SEM1: variants seen among roughly 807,000 people sequenced by gnomAD.
The protein encoded by SEM1 is 26S proteasome complex subunit SEM1.
A neutral mutation model predicts 12.7 loss-of-function variants in SEM1; 3 were observed. The observed-to-expected ratio is 0.24, with a 90% CI of 0.11 to 0.61. The LOEUF (loss-of-function observed/expected upper bound fraction) is 0.61. SEM1 is among the 20% of genes least tolerant of loss of function. SEM1 has a pLI of 0.88. For synonymous variants in SEM1, 30 were observed against 27.8 expected (o/e 1.08, Z -0.25); for missense variants, 59 against 81.3 (o/e 0.73, Z 1.06).
intron 2 of SEM1, among the ~76,000 whole-genome samples, chr7:96,552,832 T>C (rs1805331435): frequency 6.6e-6 from 1 of 151,296 alleles, no homozygotes; most frequent in African/African-American, 2.4e-5. Context: ...GTGTTCCTAT[T>C]TCTCCACATC....
chr7:96,510,223 G>T (rs1803894515), intron 2 of SEM1, among the ~76,000 whole-genome samples: 1 of 152,044 alleles, frequency 6.6e-6, no homozygotes, highest in Non-Finnish European at 1.5e-5. Context: ...CACCACCTTT[G>T]AAGTACAGTC....
downstream of SEM1, chr7:96,687,993 T>C (rs1427232398): frequency 6.6e-6 from 1 of 152,144 alleles, no homozygotes; most frequent in Non-Finnish European, 1.5e-5. Flanking sequence ...CCAACCCCTA[T>C]TTTGGTATCT....
downstream of SEM1, among the ~76,000 whole-genome samples, chr7:96,671,518 A>G (rs962681979): frequency 6.6e-6 from 1 of 152,204 alleles, no homozygotes. Flanking sequence ...TTCAGGGTAG[A>G]TAATTTTACT....
At chr7:96,691,345 C>T (rs1789927966) in intron 2 of SEM1, among the ~76,000 whole-genome samples, 1 of 152,194 alleles carries the variant, frequency 6.6e-6, no homozygotes, top group South Asian at 2.1e-4. Context: ...GCACTCTACA[C>T]ATGTTAAATC....
chr7:96,483,928 ATCTTCACAG>A, exon 4 of SEM1: 2 of 1,536,670 alleles, frequency 1.3e-6, no homozygotes, highest in South Asian at 1.2e-5. Context: ...GGCAAGAACA[ATCTTCACAG>A]TGCACCAAGG....
intron 2 of SEM1, among the ~76,000 whole-genome samples, chr7:96,643,377 T>C (rs1345210772): frequency 1.3e-5 from 2 of 152,104 alleles, no homozygotes; most frequent in African/African-American, 4.8e-5. Context: ...TACTTTAAGT[T>C]CTGGGGTACA....
chr7:96,610,763 T>TG (rs1240342741), intron 2 of SEM1, among the ~76,000 whole-genome samples: 1 of 152,218 alleles, frequency 6.6e-6, no homozygotes, highest in Non-Finnish European at 1.5e-5. Context: ...ATACTGAGCC[T>TG]GGGGGCAGTA....
intron 2 of SEM1, among the ~76,000 whole-genome samples, chr7:96,582,753 T>C (rs1189542398): frequency 6.6e-6 from 1 of 152,280 alleles, no homozygotes; most frequent in Non-Finnish European, 1.5e-5. Context: ...TTCTAGTTTA[T>C]TTGCGTAGAG....
downstream of SEM1, among the ~76,000 whole-genome samples, chr7:96,671,752 G>A (rs1004080658): frequency 1.3e-5 from 2 of 152,148 alleles, no homozygotes; most frequent in South Asian, 2.1e-4. Flanking sequence ...AAGACATTGC[G>A]GAGCATGCCT....
intron 2 of SEM1, among the ~76,000 whole-genome samples, chr7:96,546,080 C>G (rs1805093996): frequency 6.6e-6 from 1 of 152,092 alleles, no homozygotes; most frequent in Non-Finnish European, 1.5e-5. Context: ...GAATCTTGCT[C>G]TGATTTCTTG....
intron 2 of SEM1, among the ~76,000 whole-genome samples, chr7:96,587,065 A>C (rs1806660857): frequency 1.4e-5 from 2 of 144,652 alleles, no homozygotes; most frequent in African/African-American, 4.8e-5. Flanking sequence ...TACAATTGGG[A>C]ATGTTACCAG....
At chr7:96,592,737 T>C (rs1806866604) in intron 2 of SEM1, among the ~76,000 whole-genome samples, 2 of 151,990 alleles carry the variant, frequency 1.3e-5, no homozygotes, top group East Asian at 2.0e-4. Context: ...TAACAGGGTT[T>C]CAAGCTCCTC....
chr7:96,653,980 G>A (rs1809090210), intron 2 of SEM1: 1 of 152,224 alleles, frequency 6.6e-6, no homozygotes, highest in Non-Finnish European at 1.5e-5. Context: ...GAATATGATT[G>A]AGGGGGAGAC....
At chr7:96,551,669 C>T (rs1326790798) in intron 2 of SEM1, among the ~76,000 whole-genome samples, 1 of 137,064 alleles carries the variant, frequency 7.3e-6, no homozygotes, top group Non-Finnish European at 1.5e-5. Flanking sequence ...AGCACCACTA[C>T]ACTCTAGCCT....
chr7:96,570,033 A>G (rs1584771515), intron 2 of SEM1, among the ~76,000 whole-genome samples: 3 of 152,142 alleles, frequency 2.0e-5, no homozygotes, highest in East Asian at 3.9e-4. Flanking sequence ...CCTTTTGGGT[A>G]TATACCCAGT....
intron 2 of SEM1, among the ~76,000 whole-genome samples, chr7:96,526,937 C>T (rs950335318): frequency 2.6e-5 from 4 of 151,924 alleles, no homozygotes; most frequent in African/African-American, 9.7e-5. Context: ...AGGAAGAAGA[C>T]GTGGGTAAAA....
chr7:96,698,597 A>G (rs1021051664), intron 1 of SEM1, among the ~76,000 whole-genome samples: 3 of 152,164 alleles, frequency 2.0e-5, no homozygotes, highest in African/African-American at 7.2e-5. Context: ...ACAAGAACCC[A>G]TCCTTTTTTA....
At chr7:96,645,060 ATTCT>A (rs761973022) in intron 2 of SEM1, among the ~76,000 whole-genome samples, 3 of 152,240 alleles carry the variant, frequency 2.0e-5, no homozygotes, top group South Asian at 2.1e-4. Context: ...TCTGGTACAT[ATTCT>A]TTCTGTTTTT....
intron 2 of SEM1, among the ~76,000 whole-genome samples, chr7:96,644,719 A>G (rs1360538168): frequency 1.3e-5 from 2 of 152,134 alleles, no homozygotes; most frequent in African/African-American, 4.8e-5. Context: ...CTCACAGACA[A>G]GACTCTGTTC....
Sources: gnomAD v4.1 joint callset for allele counts (sites outside exome capture counted in the v4.1 genomes callset) on GRCh38, gnomAD v4.1.1 for gene constraint, MANE v1.5 for transcripts, NCBI Gene and HGNC (gene_info 2026-07-23, HGNC 2026-07-21) for gene names.